The following NF2 variants were observed in gnomAD, a reference collection of about 807,000 sequenced individuals.
The protein encoded by NF2 is NF2, moesin-ezrin-radixin like (MERLIN) tumor suppressor.
A neutral mutation model predicts 83.7 loss-of-function variants in NF2; 8 were observed. That is an observed-to-expected ratio of 0.10 (90% confidence interval 0.06 to 0.17). NF2 has a LOEUF of 0.17. Ranked by LOEUF, NF2 falls within the 10% of genes least tolerant of loss-of-function variation. NF2 has a pLI of 1.00. For synonymous variants in NF2, 266 were observed against 269.6 expected (o/e 0.99, Z 0.13); for missense variants, 533 against 744.4 (o/e 0.72, Z 3.31).
intron 10 of NF2, among the ~76,000 whole-genome samples, chr22:29,671,331 C>A (rs772556267): frequency 3.3e-5 from 5 of 152,162 alleles, no homozygotes; most frequent in Non-Finnish European, 7.3e-5. Flanking sequence ...GAGTTCAAGA[C>A]CAGCCTGGCC....
At chr22:29,645,806 C>T (rs1198743445) in intron 4 of NF2, among the ~76,000 whole-genome samples, 1 of 152,180 alleles carries the variant, frequency 6.6e-6, no homozygotes, top group Non-Finnish European at 1.5e-5. Flanking sequence ...ACAGGTTTCA[C>T]TGTAGGAAAG....
chr22:29,635,235 C>T (rs951436429), intron 1 of NF2, among the ~76,000 whole-genome samples: 12 of 152,162 alleles, frequency 7.9e-5, no homozygotes, highest in Non-Finnish European at 1.6e-4. Context: ...GAAAACTCCC[C>T]TGTAGAATCA....
In NF2 at chr22:29,671,963, G is replaced by A. The variant is rs2066807090; in HGVS notation, c.1122+15G>A. 2.5e-6 allele frequency: 4 copies of A among 1,614,048 alleles called. No homozygotes were observed. Among genetic ancestry groups the A allele is most frequent in the Non-Finnish European group, 3.4e-6 (4 of 1,180,042 alleles). ...ACGAAGCACTGGTGATTTCTGAGGG[G>A]CTGGGGTTCCAGGAGGCTACTTGGG... On this transcript the variant is annotated intron_variant, in intron 11 of 15. Coordinates refer to ENST00000338641, the MANE Select transcript of NF2 (RefSeq NM_000268.4).
intron 8 of NF2, among the ~76,000 whole-genome samples, chr22:29,661,921 T>C (rs184517043): frequency 3.7e-4 from 57 of 152,308 alleles, no homozygotes; most frequent in Admixed American, 2.1e-3. Context: ...TCTCAGTAAT[T>C]ATATAAATAA....
chr22:29,604,131 C>T lies in NF2; in HGVS notation c.114+19C>T. ...TTGCGAGGTAACCGGCCGGCAGCCC[C>T]GACTGCTGCGGTGACAGTCGAGGTG... On this transcript the variant is annotated intron_variant, in intron 1 of 15. Transcript: ENST00000338641. The T allele has an allele frequency of 6.4e-7, 1 of 1,567,544 alleles. No homozygotes were observed. Among genetic ancestry groups the T allele is most frequent in the Non-Finnish European group, 8.7e-7 (1 of 1,149,676 alleles).
chr22:29,648,166 A>T (rs2066037888), intron 4 of NF2, among the ~76,000 whole-genome samples: 3 of 148,470 alleles, frequency 2.0e-5, no homozygotes, highest in African/African-American at 7.4e-5. Flanking sequence ...AAATAAATAA[A>T]GTAAAAAAAT....
chr22:29,654,786 A>G (rs2066251614), intron 5 of NF2, 61 bp downstream of exon 5: 1 of 1,300,034 alleles, frequency 7.7e-7, no homozygotes, highest in Non-Finnish European at 1.1e-6. Flanking sequence ...AAAGAAAGCT[A>G]ACCAAAGGAC....
chr22:29,608,793 A>G, intron 1 of NF2: 1 of 236,374 alleles, frequency 4.2e-6, no homozygotes, highest in Non-Finnish European at 8.1e-6. Flanking sequence ...AAACCACCAA[A>G]ATTGACCCAA....
chr22:29,658,476 C>G (rs2066381206), intron 7 of NF2, among the ~76,000 whole-genome samples: 1 of 152,140 alleles, frequency 6.6e-6, no homozygotes, highest in African/African-American at 2.4e-5. Context: ...TCACTTGAGC[C>G]TTGGGGGACT....
chr22:29,630,168 G>C (rs566470785), intron 1 of NF2, among the ~76,000 whole-genome samples: 2 of 152,344 alleles, frequency 1.3e-5, no homozygotes, highest in South Asian at 4.1e-4. Context: ...TGGCTGTTCA[G>C]TAGATGTTAT....
At chr22:29,656,826 G>A (rs1425240998) in intron 6 of NF2, among the ~76,000 whole-genome samples, 1 of 151,790 alleles carries the variant, frequency 6.6e-6, no homozygotes, top group South Asian at 2.1e-4. Context: ...CATGCCTGTC[G>A]ACAAGTGTTA....
At chr22:29,608,723 C>T (rs2146689045) in intron 1 of NF2, among the ~76,000 whole-genome samples, 2 of 151,158 alleles carry the variant, frequency 1.3e-5, no homozygotes, top group Admixed American at 1.3e-4. Flanking sequence ...AGTAAAATGG[C>T]AGTTGAATGC....
At chr22:29,642,307 G>A (rs1335412155) in intron 4 of NF2, 22 bp downstream of exon 4, 3 of 1,603,972 alleles carry the variant, frequency 1.9e-6, no homozygotes, top group South Asian at 1.1e-5. Context: ...GAAGAAAAAT[G>A]TATTTTTCCT....
chr22:29,694,514 G>A lies in NF2; in HGVS notation c.1738-238G>A, dbSNP rs1175326439. Among the ~76,000 whole-genome samples the A allele has an allele frequency of 6.6e-6, 1 of 152,174 alleles. No homozygotes were observed. The highest frequency in any genetic ancestry group is 1.5e-5 in the Non-Finnish European group (1 of 68,036). On this transcript the variant is annotated intron_variant, in intron 15 of 15. Transcript: ENST00000338641. This position sits in a 1 kb window ranked among gnomAD's most constrained non-coding sequence, Gnocchi z 4.1. Reference sequence around the variant, plus strand: ...ATGCTGACGGCTTTTTCCTGCTGGCGTGCCTCTGCCCACCAGCCTTCCCCT... The same window carrying A: ...ATGCTGACGGCTTTTTCCTGCTGGCATGCCTCTGCCCACCAGCCTTCCCCT...
intron 1 of NF2, among the ~76,000 whole-genome samples, chr22:29,631,085 G>A (rs188707745): frequency 1.3e-4 from 20 of 152,218 alleles, no homozygotes; most frequent in African/African-American, 3.9e-4. Flanking sequence ...AATCAGCGTG[G>A]AGAGTCAGAA....
rs1408103989 is a variant in NF2, at chr22:29,668,377, A to G, written c.930A>G (p.Arg310=). ...GGAACCATGATCTATTTATGAGGAG[A>G]AGGAAAGCCGATTCTTTGGAAGTTC... The part of the protein sequence containing the change: ...CIGNHDLFMR[R]RKADSLEVQQ... The change falls in exon 10 of 16, where the codon AGA becomes AGG. Residue 310 remains arginine, a synonymous_variant. Transcript: ENST00000338641. 5 of 1,613,778 alleles carry G rather than the reference A, an allele frequency of 3.1e-6. No individual in the cohort carries two copies. The highest frequency in any genetic ancestry group is 4.2e-6 in the Non-Finnish European group (5 of 1,179,864).
intron 5 of NF2, 59 bp downstream of exon 5, chr22:29,654,784 C>A: frequency 7.6e-7 from 1 of 1,315,796 alleles, no homozygotes; most frequent in Non-Finnish European, 1.1e-6. Context: ...TAAAAGAAAG[C>A]TAACCAAAGG....
intron 4 of NF2, among the ~76,000 whole-genome samples, chr22:29,644,952 G>GGGGAGA (rs879447779): frequency 6.6e-6 from 1 of 152,042 alleles, no homozygotes; most frequent in Non-Finnish European, 1.5e-5. Flanking sequence ...GGGAGACCAT[G>GGGGAGA]GGGAGAGGGA....
intron 15 of NF2, among the ~76,000 whole-genome samples, chr22:29,690,287 A>G (rs1040214059): frequency 2.6e-5 from 4 of 152,146 alleles, no homozygotes; most frequent in Admixed American, 2.6e-4. Context: ...TTTTAAGTAG[A>G]CAGATGTGTC....
Sources: allele counts gnomAD v4.1 joint callset (sites outside exome capture counted in the v4.1 genomes callset), GRCh38; gene constraint gnomAD v4.1.1; non-coding constraint Gnocchi (gnomAD v3.1); transcripts MANE v1.5; gene names NCBI Gene and HGNC (gene_info 2026-07-23, HGNC 2026-07-21).